KLHL14: variants seen among roughly 807,000 people sequenced by gnomAD.
KLHL14 encodes kelch-like protein 14.
In KLHL14, 22 loss-of-function variants were observed where a neutral mutation model predicts 64.3. That is an observed-to-expected ratio of 0.34 (90% CI 0.24 to 0.49). KLHL14 has a LOEUF of 0.49. Ranked by LOEUF, KLHL14 falls within the 20% of genes least tolerant of loss-of-function variation. The pLI, the probability that KLHL14 is intolerant of heterozygous loss-of-function variation, is 0.99. For missense variants in KLHL14, 661 were observed against 789.0 expected, an observed-to-expected ratio of 0.84 and a Z score of 1.94; for synonymous variants, 322 against 333.4, an observed-to-expected ratio of 0.97 and a Z score of 0.37.
At chr18:32,685,961 T>C (rs2049875197) in intron 5 of KLHL14, among the ~76,000 whole-genome samples, 1 of 152,008 alleles carries the variant, frequency 6.6e-6, no homozygotes, top group African/African-American at 2.4e-5. Flanking sequence ...TGAGAAGTCA[T>C]GTAAGAAATA....
chr18:32,767,253 T>A (rs1168106555), intron 2 of KLHL14, among the ~76,000 whole-genome samples: 1 of 152,244 alleles, frequency 6.6e-6, no homozygotes, highest in Non-Finnish European at 1.5e-5. Context: ...TGGTTGCAAC[T>A]TACAGCATTT....
chr18:32,684,475 T>C (rs1390789419), intron 5 of KLHL14, among the ~76,000 whole-genome samples: 1 of 152,064 alleles, frequency 6.6e-6, no homozygotes, highest in African/African-American at 2.4e-5. Context: ...CAGCTCCATC[T>C]CTCCTATGGG....
chr18:32,770,299 G>A lies in KLHL14; in HGVS notation c.293C>T (p.Pro98Leu), dbSNP rs778057319. ...PQQQPSQQQQPPPQEEPGTPS... is the reference protein window; with the variant it reads ...PQQQPSQQQQLPPQEEPGTPS... The stretch of plus-strand genomic sequence containing the variant: ...AGTCCCGGGCTCCTCCTGCGGCGGC[G>A]GCTGCTGCTGCTGTGACGGCTGCTG... The change falls in exon 2 of 9, where the codon CCG becomes CTG. Residue 98 changes from proline (P) to leucine (L), a missense_variant. Pro to Leu is a moderately conservative substitution (Grantham distance 98). Transcript: ENST00000359358. This position sits in a 1 kb window ranked among gnomAD's most constrained non-coding sequence, Gnocchi z 6.7. 13 of 1,586,284 alleles carry A rather than the reference G, an allele frequency of 8.2e-6. No homozygotes were observed. The highest frequency in any genetic ancestry group is 1.0e-5 in the Non-Finnish European group (12 of 1,166,138).
At chr18:32,761,280 A>T (rs2050312365) in intron 2 of KLHL14, among the ~76,000 whole-genome samples, 3 of 151,954 alleles carry the variant, frequency 2.0e-5, no homozygotes, top group Admixed American at 2.0e-4. Context: ...ACTGAAAAAC[A>T]TGCTGATTTT....
In KLHL14 at chr18:32,680,436, C is replaced by T. The variant is rs1307470081; in HGVS notation, c.1402G>A (p.Val468Met). Residue 468 changes from valine (V) to methionine (M), a missense_variant, in exon 6 of 9, where the codon GTG (valine) becomes ATG (methionine). Val to Met is a conservative substitution (Grantham distance 21, BLOSUM62 1). This residue lies in a region of KLHL14 where 330 missense variants were observed against 450.0 expected (regional missense o/e 0.73). Transcript: ENST00000359358. The surrounding 1 kb of genome is among the most constrained non-coding windows in gnomAD (Gnocchi z 4.8). Reference protein sequence around the residue: ...PQPLAAHAGAVHNGKIYISGG... With the variant: ...PQPLAAHAGAMHNGKIYISGG... ...GAAATGTATATTTTCCCATTGTGCA[C>T]TGCTCCCGCATGAGCCGCCAGAGGC... The T allele has an allele frequency of 6.2e-7, 1 of 1,614,020 alleles. No homozygotes were observed. Among genetic ancestry groups the T allele is most frequent in the Non-Finnish European group, 8.5e-7 (1 of 1,179,910 alleles).
At chr18:32,717,801 A>C (rs573962251) in intron 3 of KLHL14, among the ~76,000 whole-genome samples, 1 of 152,186 alleles carries the variant, frequency 6.6e-6, no homozygotes, top group Non-Finnish European at 1.5e-5. Context: ...TTGAACACCT[A>C]TCATGTGCCA....
rs1349695560 is a variant in KLHL14, at chr18:32,762,406, T to G, written c.947+7239A>C. 3.9e-5 allele frequency among the ~76,000 whole-genome samples: 6 copies of G among 152,230 alleles called. No individual in the cohort carries two copies. The East Asian group carries it at 5.8e-4, about 15-fold the overall frequency. On this transcript the variant is annotated intron_variant, in intron 2 of 8. Transcript: ENST00000359358. ...ATCTTCTTTTTCTTCCTTTTTCAGA[T>G]AGTTCACATTCTTAATAACTTGTTT...
At chr18:32,746,486 A>C (rs1417864624) in intron 2 of KLHL14, among the ~76,000 whole-genome samples, 1 of 152,214 alleles carries the variant, frequency 6.6e-6, no homozygotes, top group Non-Finnish European at 1.5e-5. Flanking sequence ...ATTTTTCATC[A>C]TACTGGTGTT....
intron 2 of KLHL14, among the ~76,000 whole-genome samples, chr18:32,758,450 T>A (rs1040542062): frequency 1.3e-5 from 2 of 152,198 alleles, no homozygotes; most frequent in African/African-American, 4.8e-5. Context: ...TGTGGAGCAA[T>A]TGGAACTGTC....
intron 2 of KLHL14, among the ~76,000 whole-genome samples, chr18:32,750,990 T>G (rs1055150747): frequency 3.3e-5 from 5 of 152,190 alleles, no homozygotes; most frequent in African/African-American, 1.2e-4. Flanking sequence ...TTTTCTCCTA[T>G]TAGTAAATGT....
intron 3 of KLHL14, among the ~76,000 whole-genome samples, chr18:32,734,744 C>A (rs572196959): frequency 1.3e-5 from 2 of 152,238 alleles, no homozygotes; most frequent in Non-Finnish European, 2.9e-5. Context: ...TCACAATAAC[C>A]CTGTGAGGTG....
intron 3 of KLHL14, among the ~76,000 whole-genome samples, chr18:32,707,845 C>T (rs577088843): frequency 2.1e-4 from 32 of 152,304 alleles, no homozygotes; most frequent in African/African-American, 7.5e-4. Context: ...TGTAATAAAT[C>T]ATAGCTGTAA....
chr18:32,730,884 GT>G (rs1400824127), intron 3 of KLHL14, among the ~76,000 whole-genome samples: 1 of 152,164 alleles, frequency 6.6e-6, no homozygotes, highest in Non-Finnish European at 1.5e-5. Context: ...AGGCAGGTCG[GT>G]AGGATTAATA....
intron 3 of KLHL14, among the ~76,000 whole-genome samples, chr18:32,708,768 C>T (rs1222455095): frequency 6.6e-6 from 1 of 152,182 alleles, no homozygotes; most frequent in Non-Finnish European, 1.5e-5. Flanking sequence ...ATCACAAATC[C>T]TGGAGCTGCT....
chr18:32,680,716 G>C lies in KLHL14; in HGVS notation c.1239-117C>G, dbSNP rs773643943. 12 of 994,024 alleles carry C rather than the reference G, an allele frequency of 1.2e-5. No homozygotes were observed. Among genetic ancestry groups the C allele is most frequent in the Non-Finnish European group, 1.7e-5 (12 of 688,938 alleles). The allele number at this position is 994,024 out of a possible 1,614,324, so 61.6% of individuals were successfully genotyped here. A position where few individuals can be genotyped will look rare whatever the true frequency, so the allele number is the denominator to read the frequency against. On this transcript the variant is annotated intron_variant, in intron 5 of 8. Coordinates refer to ENST00000359358, the MANE Select transcript of KLHL14 (RefSeq NM_020805.3). The surrounding 1 kb of genome is among the most constrained non-coding windows in gnomAD (Gnocchi z 4.8). ...AAGGGGTGCATTCTGCTTCAGAAAG[G>C]GTTGCAAATCTTTAAAAATTACACG...
chr18:32,712,440 C>A (rs181080832), intron 3 of KLHL14, among the ~76,000 whole-genome samples: 1 of 152,260 alleles, frequency 6.6e-6, no homozygotes, highest in Admixed American at 6.5e-5. Context: ...CTGGATGGAC[C>A]TTCCATGCTC....
chr18:32,706,435 C>T (rs1290113947), intron 3 of KLHL14, among the ~76,000 whole-genome samples: 2 of 152,086 alleles, frequency 1.3e-5, no homozygotes, highest in Non-Finnish European at 2.9e-5. Context: ...ATCCCTTTAC[C>T]CCTTTCTCGG....
chr18:32,758,428 T>A (rs183026763), intron 2 of KLHL14, among the ~76,000 whole-genome samples: 3 of 152,228 alleles, frequency 2.0e-5, no homozygotes, highest in Admixed American at 1.3e-4. Context: ...GACAGATGAG[T>A]ATTGGTGAAG....
chr18:32,736,901 A>G (rs995284298), intron 3 of KLHL14, among the ~76,000 whole-genome samples: 2 of 152,070 alleles, frequency 1.3e-5, no homozygotes, highest in African/African-American at 2.4e-5. Context: ...ATAGCACCCT[A>G]GAATTTCTGT....
Sources: gnomAD v4.1 joint callset for allele counts (sites outside exome capture counted in the v4.1 genomes callset) on GRCh38, gnomAD v4.1.1 for gene constraint, gnomAD v4.1.1 regional missense constraint, Gnocchi (gnomAD v3.1) non-coding constraint, MANE v1.5 for transcripts, NCBI Gene and HGNC (gene_info 2026-07-23, HGNC 2026-07-21) for gene names.